ZDHHC15: variants seen among roughly 807,000 people sequenced by gnomAD.
ZDHHC15 encodes the protein zDHHC palmitoyltransferase 15.
ZDHHC15 carries 19 observed loss-of-function variants against 31.7 expected under a neutral mutation model. The ratio of observed to expected loss-of-function variants is 0.60; its 90% CI spans 0.42 to 0.88. ZDHHC15 has a LOEUF of 0.88. Ranked by LOEUF, ZDHHC15 falls within the 40% of genes least tolerant of loss-of-function variation. The pLI, the probability that ZDHHC15 is intolerant of heterozygous loss-of-function variation, is 0.00. For synonymous variants in ZDHHC15, 103 were observed against 90.0 expected (o/e 1.14, Z -0.82); for missense variants, 209 against 251.2 (o/e 0.83, Z 1.14).
At chrX:75,471,967 T>C (rs2084509601) in intron 3 of ZDHHC15, among the ~76,000 whole-genome samples, 1 of 111,915 alleles carries the variant, frequency 8.9e-6, no homozygotes, top group South Asian at 3.8e-4. Context: ...CGATTGACTA[T>C]GGGTCATAAA....
chrX:75,491,837 A>T (rs779274265), intron 2 of ZDHHC15, among the ~76,000 whole-genome samples: 12 of 111,574 alleles, frequency 1.1e-4, no homozygotes, highest in Admixed American at 9.6e-4. Context: ...CTGCAAAAAC[A>T]TGCCAAATTG....
intron 10 of ZDHHC15, among the ~76,000 whole-genome samples, chrX:75,382,442 G>A (rs982529954): frequency 9.0e-6 from 1 of 111,553 alleles, no homozygotes; most frequent in African/African-American, 3.3e-5. Context: ...AAAATGTCTC[G>A]CTACCCAAAG....
chrX:75,501,122 C>G (rs970189909), intron 2 of ZDHHC15, among the ~76,000 whole-genome samples: 2 of 110,776 alleles, frequency 1.8e-5, no homozygotes, highest in African/African-American at 6.6e-5. Flanking sequence ...CCTCCTCCCA[C>G]TTTCCATCCT....
In ZDHHC15 at chrX:75,485,092, T is replaced by C. The variant is rs773706181; in HGVS notation, c.164-6107A>G. Among the ~76,000 whole-genome samples the C allele has an allele frequency of 8.1e-5, 9 of 111,432 alleles. No homozygotes were observed. The South Asian group carries it at 3.4e-3, about 42-fold the overall frequency. ...TTTCTTGTGAATGGGGTAAAGGGAA[T>C]CATTTGGGGTAATATAAATATTCTG... On this transcript the variant is annotated intron_variant, in intron 2 of 11. Coordinates refer to ENST00000373367, the MANE Select transcript of ZDHHC15 (RefSeq NM_144969.3).
chrX:75,490,845 T>A lies in ZDHHC15; in HGVS notation c.164-11860A>T, dbSNP rs1057200504. ...GTGATTTTTGTACATTGATTTTGTA[T>A]CCTGAGGCTTTGCTGAAGCTTATGA... On this transcript the variant is annotated intron_variant, in intron 2 of 11. Transcript: ENST00000373367. Among the ~76,000 whole-genome samples, 4 of 111,916 alleles carry A rather than the reference T, an allele frequency of 3.6e-5. No individual in the cohort carries two copies. In the Admixed American group the frequency reaches 3.8e-4, roughly 11 times the overall value.
intron 10 of ZDHHC15, among the ~76,000 whole-genome samples, chrX:75,390,140 G>A (rs779905883): frequency 7.1e-5 from 8 of 112,114 alleles, no homozygotes; most frequent in African/African-American, 2.6e-4. Context: ...GTGGAAAGGG[G>A]AGGGAAGAGT....
intron 7 of ZDHHC15, 95 bp from the exon 8 acceptor site, chrX:75,424,879 G>A (rs1324924300): frequency 7.9e-6 from 7 of 890,133 alleles, no homozygotes; most frequent in Non-Finnish European, 1.0e-5. Flanking sequence ...CATGTATAAA[G>A]TGTCTAGCTG....
chrX:75,394,819 C>G (rs1216792724), intron 10 of ZDHHC15, among the ~76,000 whole-genome samples: 3 of 111,647 alleles, frequency 2.7e-5, no homozygotes, highest in Admixed American at 9.5e-5. Context: ...ATCACCCAGA[C>G]AGAAAATCAA....
chrX:75,463,834 G>A (rs1420817757), intron 3 of ZDHHC15, among the ~76,000 whole-genome samples: 1 of 111,988 alleles, frequency 8.9e-6, no homozygotes, highest in Admixed American at 9.5e-5. Flanking sequence ...TACACTGATG[G>A]TGGGACTGTA....
chrX:75,400,887 C>T (rs1427546102), intron 10 of ZDHHC15, among the ~76,000 whole-genome samples: 3 of 111,360 alleles, frequency 2.7e-5, no homozygotes, highest in African/African-American at 6.5e-5. Flanking sequence ...AACTAAGCTT[C>T]CTAAGTGAAG....
intron 10 of ZDHHC15, among the ~76,000 whole-genome samples, chrX:75,397,638 G>A (rs2083312922): frequency 9.0e-6 from 1 of 111,589 alleles, no homozygotes; most frequent in Non-Finnish European, 1.9e-5. Flanking sequence ...AAGCAGCTAG[G>A]TTGTGTGGCT....
chrX:75,484,334 TCAGG>T (rs1282630345), intron 2 of ZDHHC15, among the ~76,000 whole-genome samples: 2 of 111,833 alleles, frequency 1.8e-5, no homozygotes, highest in Non-Finnish European at 3.8e-5. Context: ...AGACTTATAC[TCAGG>T]CATTTAAAGA....
intron 10 of ZDHHC15, among the ~76,000 whole-genome samples, chrX:75,396,451 C>T (rs1040633251): frequency 5.3e-4 from 59 of 111,927 alleles, no homozygotes; most frequent in Middle Eastern, 9.4e-3. Context: ...GACCAAATCT[C>T]ACCCCAGTTA....
At position 75,375,540 on chromosome X, in the gene ZDHHC15, T is replaced by C. The variant is rs1385021812; in HGVS notation, c.*33-2595A>G. Reference sequence around the variant, plus strand: ...AGTGAGCATAGTACCCAATAGGTAGTTTTTCAACCCACCCCCTTCTGTCCT... The same window carrying C: ...AGTGAGCATAGTACCCAATAGGTAGCTTTTCAACCCACCCCCTTCTGTCCT... On this transcript the variant is annotated intron_variant, in intron 11 of 11. Transcript: ENST00000373367. 1.7e-4 allele frequency among the ~76,000 whole-genome samples: 19 copies of C among 111,222 alleles called. 1 individual carries two copies. The Admixed American group carries it at 1.8e-3, about 11-fold the overall frequency.
intron 10 of ZDHHC15, among the ~76,000 whole-genome samples, chrX:75,401,695 T>C (rs1446036701): frequency 8.9e-6 from 1 of 111,892 alleles, no homozygotes; most frequent in Admixed American, 9.5e-5. Flanking sequence ...ATCCTAAGTA[T>C]CCTAAATATA....
chrX:75,398,429 A>G (rs987344904), intron 10 of ZDHHC15, among the ~76,000 whole-genome samples: 1 of 112,363 alleles, frequency 8.9e-6, no homozygotes, highest in Non-Finnish European at 1.9e-5. Flanking sequence ...CAATCTCTCC[A>G]ACTGACAGAG....
At chrX:75,440,872 GT>G (rs2083930994) in intron 4 of ZDHHC15, among the ~76,000 whole-genome samples, 1 of 111,445 alleles carries the variant, frequency 9.0e-6, no homozygotes, top group African/African-American at 3.3e-5. Flanking sequence ...AAATAGGGGT[GT>G]TGTTCTCAGG....
chrX:75,493,500 T>C (rs184581833), intron 2 of ZDHHC15, among the ~76,000 whole-genome samples: 27 of 111,767 alleles, frequency 2.4e-4, no homozygotes, highest in Admixed American at 2.1e-3. Context: ...TTTAGACCAA[T>C]ATCCTTGATG....
At chrX:75,433,300 G>A (rs1343120010) in intron 4 of ZDHHC15, among the ~76,000 whole-genome samples, 2 of 110,760 alleles carry the variant, frequency 1.8e-5, no homozygotes, top group African/African-American at 6.6e-5. Context: ...TATTTCAATA[G>A]GTTTTTGGGG....
Sources: allele counts gnomAD v4.1 joint callset (sites outside exome capture counted in the v4.1 genomes callset), GRCh38; gene constraint gnomAD v4.1.1; transcripts MANE v1.5; gene names NCBI Gene and HGNC (gene_info 2026-07-23, HGNC 2026-07-21).